TNR: variants seen among roughly 807,000 people sequenced by gnomAD.
The protein encoded by TNR is tenascin R, also known as tenascin-R.
A neutral mutation model predicts 150.4 loss-of-function variants in TNR; 45 were observed. The observed-to-expected ratio is 0.30, with a 90% CI of 0.24 to 0.38. TNR has a LOEUF of 0.38. Among genes scored for constraint, TNR ranks in the 10% least tolerant of loss-of-function variants. TNR has a pLI of 1.00. For synonymous variants in TNR, 687 were observed against 678.4 expected (o/e 1.01, Z -0.20); for missense variants, 1,544 against 1,759.1 (o/e 0.88, Z 2.19).
intron 14 of TNR, among the ~76,000 whole-genome samples, chr1:175,362,184 C>T (rs541085231): frequency 1.3e-5 from 2 of 152,248 alleles, no homozygotes; most frequent in East Asian, 1.9e-4. Context: ...GTTATGGCCA[C>T]TTTGGTGCCT....
At chr1:175,659,957 T>C (rs571202077) in intron 1 of TNR, among the ~76,000 whole-genome samples, 118 of 152,106 alleles carry the variant, frequency 7.8e-4, no homozygotes, top group African/African-American at 2.6e-3. Context: ...GCCAGTTTTT[T>C]TCTGGATATA....
intron 1 of TNR, among the ~76,000 whole-genome samples, chr1:175,690,716 T>C (rs1257966511): frequency 4.6e-5 from 7 of 152,212 alleles, no homozygotes; most frequent in Admixed American, 4.6e-4. Context: ...CTGAAGTAAT[T>C]ATTTAATGTT....
chr1:175,598,082 G>A (rs7541077), intron 1 of TNR, among the ~76,000 whole-genome samples: 45,600 of 152,028 alleles, frequency 0.3, 9,061 homozygotes, highest in African/African-American at 0.56. Flanking sequence ...TGTTCCTGAG[G>A]ATGCCGAGAA....
At chr1:175,370,547 C>T (rs1396145151) in intron 9 of TNR, among the ~76,000 whole-genome samples, 1 of 151,712 alleles carries the variant, frequency 6.6e-6, no homozygotes, top group Admixed American at 6.6e-5. Flanking sequence ...GGGCCAAGTA[C>T]CTATCTCTAG....
At chr1:175,584,359 C>G (rs941853790) in intron 1 of TNR, among the ~76,000 whole-genome samples, 1 of 152,122 alleles carries the variant, frequency 6.6e-6, no homozygotes, top group Non-Finnish European at 1.5e-5. Flanking sequence ...CAGAGAAACA[C>G]CAGAAACCAG....
intron 1 of TNR, among the ~76,000 whole-genome samples, chr1:175,711,922 G>A (rs1399034068): frequency 1.3e-5 from 2 of 152,182 alleles, no homozygotes; most frequent in African/African-American, 2.4e-5. Context: ...ATGTACATTA[G>A]ACATTCAGGT....
At chr1:175,657,819 G>A (rs1380650489) in intron 1 of TNR, among the ~76,000 whole-genome samples, 2 of 131,520 alleles carry the variant, frequency 1.5e-5, no homozygotes, top group African/African-American at 2.9e-5. Flanking sequence ...TGTAAATGAC[G>A]AGTTAATGGG....
chr1:175,426,258 AT>A (rs1557926434), intron 2 of TNR, among the ~76,000 whole-genome samples: 1 of 152,216 alleles, frequency 6.6e-6, no homozygotes, highest in African/African-American at 2.4e-5. Flanking sequence ...TATGGATAAT[AT>A]TAGCAACATG....
At chr1:175,324,102 G>A (rs1475776229) in intron 22 of TNR, among the ~76,000 whole-genome samples, 4 of 152,134 alleles carry the variant, frequency 2.6e-5, no homozygotes, top group African/African-American at 9.7e-5. Flanking sequence ...GGACTGATAA[G>A]CTCTCTTCAT....
At chr1:175,379,830 C>A in intron 8 of TNR, 93 bp from the exon 9 acceptor site, 1 of 1,380,778 alleles carries the variant, frequency 7.2e-7, no homozygotes, top group Non-Finnish European at 9.9e-7. Context: ...GTGGTGACAG[C>A]CCACACCCCC....
chr1:175,666,542 G>A (rs59455218), intron 1 of TNR, among the ~76,000 whole-genome samples: 5,317 of 152,222 alleles, frequency 0.035, 247 homozygotes, highest in African/African-American at 0.11. Context: ...AGAGCTGCCC[G>A]GTGCTCCCAG....
At chr1:175,442,729 G>A (rs188484946) in intron 2 of TNR, among the ~76,000 whole-genome samples, 7 of 151,848 alleles carry the variant, frequency 4.6e-5, no homozygotes, top group East Asian at 1.9e-4. Context: ...TCAACTGCCC[G>A]AGACCATATT....
intron 7 of TNR, among the ~76,000 whole-genome samples, chr1:175,386,579 C>T (rs1248566194): frequency 6.6e-6 from 1 of 152,106 alleles, no homozygotes; most frequent in Non-Finnish European, 1.5e-5. Flanking sequence ...AGGGGAAGGG[C>T]ACTTGCTGGC....
chr1:175,632,308 C>T (rs1437914323), intron 1 of TNR, among the ~76,000 whole-genome samples: 1 of 152,234 alleles, frequency 6.6e-6, no homozygotes, highest in Non-Finnish European at 1.5e-5. Context: ...CAAGGCTCCC[C>T]CGTGCACTGT....
intron 12 of TNR, among the ~76,000 whole-genome samples, chr1:175,364,703 T>C (rs1339816706): frequency 6.6e-6 from 1 of 152,216 alleles, no homozygotes; most frequent in Non-Finnish European, 1.5e-5. Flanking sequence ...GGATTCCTCT[T>C]GGAGACTAGC....
intron 2 of TNR, among the ~76,000 whole-genome samples, chr1:175,444,234 T>A (rs1655928100): frequency 6.6e-6 from 1 of 152,120 alleles, no homozygotes; most frequent in African/African-American, 2.4e-5. Flanking sequence ...GCTGTGCTGA[T>A]CAGGAGAGGA....
intron 1 of TNR, among the ~76,000 whole-genome samples, chr1:175,635,481 T>G (rs1167823353): frequency 6.6e-6 from 1 of 152,230 alleles, no homozygotes; most frequent in East Asian, 1.9e-4. Context: ...TATCTACATT[T>G]GTAGAACACA....
intron 1 of TNR, among the ~76,000 whole-genome samples, chr1:175,668,519 C>T (rs1032208319): frequency 1.3e-5 from 2 of 152,266 alleles, no homozygotes; most frequent in African/African-American, 4.8e-5. Context: ...GCAATCCACC[C>T]TTTGCGGGAG....
At chr1:175,359,521 A>C in intron 15 of TNR, 91 bp downstream of exon 15, 1 of 1,602,016 alleles carries the variant, frequency 6.2e-7, no homozygotes, top group Non-Finnish European at 8.5e-7. Flanking sequence ...TTCAGATTGA[A>C]AAAATGTTTT....
Sources: allele counts gnomAD v4.1 joint callset (sites outside exome capture counted in the v4.1 genomes callset), GRCh38; gene constraint gnomAD v4.1.1; transcripts MANE v1.5; gene names NCBI Gene and HGNC (gene_info 2026-07-23, HGNC 2026-07-21).